The following WNK1 variants were observed in gnomAD, a reference collection of about 807,000 sequenced individuals.
The protein encoded by WNK1 is WNK lysine deficient protein kinase 1.
WNK1 carries 38 observed loss-of-function variants against 222.8 expected under a neutral mutation model. That is an observed-to-expected ratio of 0.17 (90% CI 0.13 to 0.22). The LOEUF (loss-of-function observed/expected upper bound fraction) is 0.22, where lower values mean the gene tolerates loss of function less well. WNK1 is among the 10% of genes least tolerant of loss of function. WNK1 has a pLI of 1.00. For synonymous variants in WNK1, 1,090 were observed against 1,092.9 expected (o/e 1.00, Z 0.05); for missense variants, 2,348 against 2,918.4 (o/e 0.80, Z 4.50).
chr12:757,351 G>GTTTTT (rs754902070), intron 1 of WNK1, among the ~76,000 whole-genome samples: 79,039 of 125,442 alleles, frequency 0.63, 25,974 homozygotes, highest in East Asian at 0.88. Context: ...AAAAGAGACG[G>GTTTTT]AGTCTTGCTC....
chr12:881,110 T>C lies in WNK1; in HGVS notation c.3111+111T>C, dbSNP rs72650708. The C allele has an allele frequency of 5.6e-5, 78 of 1,401,524 alleles. No individual in the cohort carries two copies. The African/African-American group carries it at 9.0e-4, about 16-fold the overall frequency. The allele number at this position is 1,401,524 out of a possible 1,614,324, so 86.8% of individuals were successfully genotyped here. A position where few individuals can be genotyped will look rare whatever the true frequency, so the allele number is the denominator to read the frequency against. On this transcript the variant is annotated intron_variant, in intron 12 of 27. Coordinates refer to ENST00000315939, the MANE Select transcript of WNK1 (RefSeq NM_018979.4). ...TGGTTTAGAACTTATTTGGAGACCA[T>C]GTCAAACTAACTTCTGCATGACTTT...
At chr12:768,954 C>T (rs981604151) in intron 1 of WNK1, among the ~76,000 whole-genome samples, 6 of 151,730 alleles carry the variant, frequency 4.0e-5, no homozygotes, top group African/African-American at 1.5e-4. Context: ...GGATTACAGG[C>T]ACGCACCACC....
intron 1 of WNK1, among the ~76,000 whole-genome samples, chr12:757,348 A>C (rs1259652058): frequency 4.9e-5 from 1 of 20,592 alleles, no homozygotes. Flanking sequence ...AAAAAAAGAG[A>C]CGGAGTCTTG....
At chr12:841,815 CATATT>C (rs754781000) in intron 4 of WNK1, among the ~76,000 whole-genome samples, 15 of 152,176 alleles carry the variant, frequency 9.9e-5, no homozygotes, top group Non-Finnish European at 1.9e-4. Context: ...CCTCCGGACT[CATATT>C]ATAAGGGCAG....
chr12:882,438 A>G (rs1953257222), intron 14 of WNK1, among the ~76,000 whole-genome samples: 1 of 151,958 alleles, frequency 6.6e-6, no homozygotes, highest in Non-Finnish European at 1.5e-5. Flanking sequence ...ACCTCAGGTG[A>G]CTCACCTGCC....
Position 896,281 on chromosome 12 carries a change from G to A in WNK1, c.5794G>A (p.Glu1932Lys). 2 of 1,614,200 alleles carry A rather than the reference G, an allele frequency of 1.2e-6. No homozygotes were observed. Among genetic ancestry groups the A allele is most frequent in the Non-Finnish European group, 1.7e-6 (2 of 1,180,034 alleles). Reference protein sequence around the residue: ...PESAHKTTASEAKSDTGQPTK... With the variant: ...PESAHKTTASKAKSDTGQPTK... ...GAGTGCCCACAAAACTACTGCCTCA[G>A]AGGCAAAGTCAGACACTGGGCAGCC... The change falls in exon 24 of 28, where the codon GAG becomes AAG. Residue 1932 changes from glutamate (E) to lysine (K), a missense_variant. Transcript: ENST00000315939.
intron 1 of WNK1, among the ~76,000 whole-genome samples, chr12:754,963 A>G (rs754964204): frequency 2.6e-5 from 4 of 152,348 alleles, no homozygotes; most frequent in Middle Eastern, 3.4e-3. Context: ...CGAATAGTAT[A>G]GGAGCCCATG....
intron 4 of WNK1, among the ~76,000 whole-genome samples, chr12:855,938 C>G (rs1950749511): frequency 6.6e-6 from 1 of 151,954 alleles, no homozygotes; most frequent in Non-Finnish European, 1.5e-5. Context: ...CTCCCGGGTT[C>G]AAGAGATTCT....
In WNK1 at chr12:885,788, C is replaced by T. The variant is rs1953592518; in HGVS notation, c.4984C>T (p.Leu1662=). 2.5e-6 allele frequency: 4 copies of T among 1,614,114 alleles called. No individual in the cohort carries two copies. The highest frequency in any genetic ancestry group is 3.4e-6 in the Non-Finnish European group (4 of 1,180,054). The change falls in exon 19 of 28, where the codon CTG becomes TTG. Residue 1662 remains leucine (L), a synonymous_variant. Transcript: ENST00000315939. ...GACTCTAGAAGAAAAGCTGCGGTCTCTGTTCAGTGAACACAGCTCATCTGG... is the reference window on the plus strand; with the variant it reads ...GACTCTAGAAGAAAAGCTGCGGTCTTTGTTCAGTGAACACAGCTCATCTGG... ...IKTLEEKLRS[L]FSEHSSSGAQ... is the part of the protein sequence containing the mutation.
intron 1 of WNK1, among the ~76,000 whole-genome samples, chr12:779,397 G>GTTTTTTTTTTTTTTTTTTTT (rs5795950): frequency 1.6e-5 from 2 of 124,274 alleles, no homozygotes; most frequent in African/African-American, 3.0e-5. Flanking sequence ...TTTCTTTTCT[G>GTTTTTTTTTTTTTTTTTTTT]TTTTTTTTTT....
Position 829,744 on chromosome 12 carries a change from T to A in WNK1, c.1154-259T>A, listed in dbSNP as rs7300056. ...TTGGCATATTGTATAAAGAAATTCA[T>A]TTTACACAGTAAATCAATAAATAGA... is the stretch of plus-strand genomic sequence containing the variant. On this transcript the variant is annotated intron_variant, in intron 3 of 27. Transcript: ENST00000315939. 0.64 allele frequency among the ~76,000 whole-genome samples: 97,062 copies of A among 152,136 alleles called. 31,842 individuals are homozygous for A. Among genetic ancestry groups the A allele is most frequent in the East Asian group, 0.87 (4,530 of 5,184 alleles).
At chr12:759,496 A>C (rs1224873521) in intron 1 of WNK1, among the ~76,000 whole-genome samples, 3 of 146,708 alleles carry the variant, frequency 2.0e-5, no homozygotes, top group Middle Eastern at 3.5e-3. Flanking sequence ...ACGCCCGGCT[A>C]ATTTTTGTAT....
chr12:772,700 A>G (rs1942675801), intron 1 of WNK1, among the ~76,000 whole-genome samples: 1 of 152,218 alleles, frequency 6.6e-6, no homozygotes, highest in Non-Finnish European at 1.5e-5. Context: ...AGATGCAAAC[A>G]TTTAGTTAGA....
chr12:885,787 T>C lies in WNK1; in HGVS notation c.4983T>C (p.Ser1661=), dbSNP rs149852592. ...AGACTCTAGAAGAAAAGCTGCGGTCTCTGTTCAGTGAACACAGCTCATCTG... is the reference window on the plus strand; with the variant it reads ...AGACTCTAGAAGAAAAGCTGCGGTCCCTGTTCAGTGAACACAGCTCATCTG... The part of the protein sequence containing the change: ...DIKTLEEKLR[S]LFSEHSSSGA... The change falls in exon 19 of 28, where the codon TCT becomes TCC. Residue 1661 remains serine (S), a synonymous_variant. Coordinates refer to ENST00000315939, the MANE Select transcript of WNK1 (RefSeq NM_018979.4). The C allele has an allele frequency of 1.3e-3, 2,069 of 1,614,214 alleles. 18 individuals carry two copies. Among genetic ancestry groups the C allele is most frequent in the South Asian group, 8.2e-3 (751 of 91,086 alleles).
At chr12:783,500 A>AC (rs1185076644) in intron 1 of WNK1, among the ~76,000 whole-genome samples, 1 of 141,936 alleles carries the variant, frequency 7.0e-6, no homozygotes, top group Non-Finnish European at 1.5e-5. Flanking sequence ...CAAAAAAAAA[A>AC]CAAAACAAAA....
chr12:905,562 A>G (rs1451204443), intron 26 of WNK1, among the ~76,000 whole-genome samples: 2 of 151,950 alleles, frequency 1.3e-5, no homozygotes, highest in Non-Finnish European at 2.9e-5. Context: ...CCCTGTGATT[A>G]TTTCTGTTTT....
chr12:865,086 T>C, intron 8 of WNK1: 1 of 1,489,356 alleles, frequency 6.7e-7, no homozygotes, highest in Non-Finnish European at 8.9e-7. Flanking sequence ...GTGTTTTTCA[T>C]GTGTGTGTTT....
chr12:770,737 G>A (rs997709205), intron 1 of WNK1, among the ~76,000 whole-genome samples: 4 of 152,220 alleles, frequency 2.6e-5, no homozygotes, highest in Non-Finnish European at 1.5e-5. Flanking sequence ...GGTTTGTGAT[G>A]CTTTTCATAC....
intron 1 of WNK1, among the ~76,000 whole-genome samples, chr12:767,494 A>G (rs113397742): frequency 0.08 from 12,027 of 150,004 alleles, 581 homozygotes; most frequent in African/African-American, 0.13. Flanking sequence ...CCCGTGATCC[A>G]CCCTCCTTGG....
Sources: allele counts gnomAD v4.1 joint callset (sites outside exome capture counted in the v4.1 genomes callset), GRCh38; gene constraint gnomAD v4.1.1; transcripts MANE v1.5; gene names NCBI Gene and HGNC (gene_info 2026-07-23, HGNC 2026-07-21).